Variants in FAM53A observed in about 807,000 individuals in gnomAD.
The protein encoded by FAM53A is protein FAM53A.
A neutral mutation model predicts 26.6 loss-of-function variants in FAM53A; 28 were observed. The observed-to-expected ratio is 1.05, with a 90% CI of 0.78 to 1.45. The LOEUF (loss-of-function observed/expected upper bound fraction) is 1.45, where lower values mean the gene tolerates loss of function less well. Ranked by LOEUF, FAM53A falls within the 40% of genes most tolerant of loss-of-function variation. The pLI, the probability that FAM53A is intolerant of heterozygous loss-of-function variation, is 0.00. For missense variants in FAM53A, 650 were observed against 575.8 expected, an observed-to-expected ratio of 1.13 and a Z score of -1.32; for synonymous variants, 290 against 253.1, an observed-to-expected ratio of 1.15 and a Z score of -1.38.
chr4:1,591,243 T>C, the FAM53A span, among the ~76,000 whole-genome samples: 1 of 152,020 alleles, frequency 6.6e-6, no homozygotes, highest in East Asian at 1.9e-4. Context: ...CAGTTTGTTT[T>C]TCGTTCAACC....
intron 1 of FAM53A, among the ~76,000 whole-genome samples, chr4:1,680,313 C>T (rs76506254): frequency 1.0e-5 from 1 of 97,602 alleles, no homozygotes; most frequent in Non-Finnish European, 2.0e-5. Flanking sequence ...GAGTGAAACT[C>T]CGTCTCAAAA....
chr4:1,637,350 C>T (rs886166117), downstream of FAM53A, among the ~76,000 whole-genome samples: 2 of 152,168 alleles, frequency 1.3e-5, no homozygotes, highest in Admixed American at 6.5e-5. Flanking sequence ...CCAGGCCGTC[C>T]CCACCTCCCC....
chr4:1,673,983 G>A (rs187487869), intron 1 of FAM53A, among the ~76,000 whole-genome samples: 82 of 152,382 alleles, frequency 5.4e-4, no homozygotes, highest in African/African-American at 1.8e-3. Context: ...GAAGGAAGGC[G>A]TTAGTCAGGT....
chr4:1,607,149 G>T, the FAM53A span, among the ~76,000 whole-genome samples: 168 of 152,282 alleles, frequency 1.1e-3, 1 homozygote, highest in South Asian at 4.8e-3. Context: ...CTCCCAAGTA[G>T]CTGGGATTAC....
chr4:1,685,380 G>C (rs1172495815), upstream of FAM53A, among the ~76,000 whole-genome samples: 1 of 151,794 alleles, frequency 6.6e-6, no homozygotes, highest in Non-Finnish European at 1.5e-5. Context: ...GGGAGAAAGA[G>C]CTACCTGTGT....
At chr4:1,578,609 C>G in the FAM53A span, among the ~76,000 whole-genome samples, 1 of 150,948 alleles carries the variant, frequency 6.6e-6, no homozygotes, top group Admixed American at 6.6e-5. Context: ...TCTGCAGGTC[C>G]CCATGGGAAG....
At chr4:1,591,306 C>T in the FAM53A span, among the ~76,000 whole-genome samples, 1 of 152,040 alleles carries the variant, frequency 6.6e-6, no homozygotes, top group South Asian at 2.1e-4. Flanking sequence ...ATTTATTGTA[C>T]TCACTGTTGC....
the FAM53A span, among the ~76,000 whole-genome samples, chr4:1,594,397 C>T: frequency 6.6e-6 from 1 of 152,066 alleles, no homozygotes; most frequent in Admixed American, 6.5e-5. Flanking sequence ...AGTTTCCCCT[C>T]ATGAAAAAAG....
chr4:1,587,566 G>C, the FAM53A span, among the ~76,000 whole-genome samples: 1 of 152,148 alleles, frequency 6.6e-6, no homozygotes, highest in Non-Finnish European at 1.5e-5. Flanking sequence ...CAGCTACTCA[G>C]GAGGCTGAGG....
intron 3 of FAM53A, among the ~76,000 whole-genome samples, chr4:1,656,199 G>A (rs748440273): frequency 6.6e-6 from 1 of 152,212 alleles, no homozygotes; most frequent in Non-Finnish European, 1.5e-5. Context: ...TCTTCAGGGA[G>A]AGTCTGAGCC....
At chr4:1,643,681 C>T (rs974562326) in intron 4 of FAM53A, among the ~76,000 whole-genome samples, 2 of 151,756 alleles carry the variant, frequency 1.3e-5, no homozygotes, top group Non-Finnish European at 2.9e-5. Flanking sequence ...ATTCTCCCAC[C>T]TCAGCCTCTC....
the FAM53A span, among the ~76,000 whole-genome samples, chr4:1,575,909 C>T: frequency 6.6e-6 from 1 of 152,136 alleles, no homozygotes; most frequent in African/African-American, 2.4e-5. Flanking sequence ...GGGCACCTCA[C>T]CCCCGGGACC....
intron 4 of FAM53A, 96 bp downstream of exon 4, chr4:1,654,882 C>G (rs1470712821): frequency 4.2e-6 from 6 of 1,425,604 alleles, no homozygotes; most frequent in Non-Finnish European, 5.5e-6. Context: ...CAGCCGGATG[C>G]TAACAGCCAC....
the FAM53A span, among the ~76,000 whole-genome samples, chr4:1,587,647 A>G: frequency 6.6e-6 from 1 of 152,236 alleles, no homozygotes; most frequent in East Asian, 1.9e-4. Flanking sequence ...ACTCCAGCCT[A>G]GGTGACAGAG....
chr4:1,657,464 T>G lies in FAM53A; in HGVS notation c.80A>C (p.Gln27Pro). 6.2e-7 allele frequency: 1 copy of G among 1,613,734 alleles called. No individual in the cohort carries two copies. Among genetic ancestry groups the G allele is most frequent in the Non-Finnish European group, 8.5e-7 (1 of 1,179,828 alleles). The change falls in exon 3 of 5, where the codon CAG becomes CCG. Residue 27 changes from glutamine to proline, a missense_variant. Gln to Pro is a moderately conservative substitution (Grantham distance 76, BLOSUM62 -1). Transcript: ENST00000308132. ...CTTGTTCAGGGTTTCCGCAGAATAC[T>G]GCAACTGACAGGAAAGAGAAGTTTC... ...LTCKAEAGPL[Q>P]YSAETLNKSG...
At chr4:1,651,489 G>A (rs1234290868) in intron 4 of FAM53A, among the ~76,000 whole-genome samples, 1 of 151,390 alleles carries the variant, frequency 6.6e-6, no homozygotes, top group Non-Finnish European at 1.5e-5. Context: ...CGGAGATCGT[G>A]CCACTGCATT....
At chr4:1,666,489 C>T (rs111467339) in intron 2 of FAM53A, among the ~76,000 whole-genome samples, 2 of 152,366 alleles carry the variant, frequency 1.3e-5, no homozygotes, top group African/African-American at 2.4e-5. Flanking sequence ...GTCGTGGGGG[C>T]CCGTGGGTCA....
chr4:1,655,746 G>T, intron 3 of FAM53A, 23 bp from the exon 4 acceptor site: 1 of 1,523,382 alleles, frequency 6.6e-7, no homozygotes, highest in African/African-American at 1.4e-5. Context: ...ACACAAAGAG[G>T]CAGGGGAAGA....
At chr4:1,645,400 G>C (rs773450852) in intron 4 of FAM53A, among the ~76,000 whole-genome samples, 1 of 152,224 alleles carries the variant, frequency 6.6e-6, no homozygotes, top group East Asian at 1.9e-4. Flanking sequence ...AGGAAAGTAC[G>C]GACTGGAGCA....
Sources: allele counts gnomAD v4.1 joint callset (sites outside exome capture counted in the v4.1 genomes callset), GRCh38; gene constraint gnomAD v4.1.1; transcripts MANE v1.5; gene names NCBI Gene and HGNC (gene_info 2026-07-23, HGNC 2026-07-21).